Variants in KALRN observed in about 807,000 individuals in gnomAD.
The protein encoded by KALRN is kalirin.
KALRN carries 70 observed loss-of-function variants against 353.7 expected under a neutral mutation model. The observed-to-expected ratio is 0.20, with a 90% confidence interval of 0.16 to 0.24. The LOEUF (loss-of-function observed/expected upper bound fraction) is 0.24, where lower values mean the gene tolerates loss of function less well. KALRN is among the 10% of genes least tolerant of loss of function. The pLI is 1.00. For missense variants in KALRN, 2,791 were observed against 3,756.7 expected (o/e 0.74, Z 6.72); for synonymous variants, 1,391 against 1,434.8 (o/e 0.97, Z 0.69).
intron 5 of KALRN, among the ~76,000 whole-genome samples, chr3:124,295,165 A>G (rs184232917): frequency 6.6e-6 from 1 of 152,362 alleles, no homozygotes; most frequent in Non-Finnish European, 1.5e-5. Context: ...GTTTAGGTCT[A>G]GAGAAGATTT....
At chr3:124,642,806 G>GTTTTTTTTTTGTTGTTGTTTTTTT (rs1553707031) in intron 37 of KALRN, among the ~76,000 whole-genome samples, 4,085 of 96,254 alleles carry the variant, frequency 0.042, 303 homozygotes, top group East Asian at 0.13. Flanking sequence ...CCCAAGCCTC[G>GTTTTTTTTTTGTTGTTGTTTTTTT]TTTTTTTTTT....
chr3:124,393,095 A>G (rs1277634243), intron 11 of KALRN, among the ~76,000 whole-genome samples: 1 of 152,092 alleles, frequency 6.6e-6, no homozygotes, highest in East Asian at 1.9e-4. Flanking sequence ...CTTCCTGAAT[A>G]GCTGGGGTTA....
intron 47 of KALRN, among the ~76,000 whole-genome samples, chr3:124,669,952 C>T (rs2086182240): frequency 6.6e-6 from 1 of 150,818 alleles, no homozygotes; most frequent in Admixed American, 6.7e-5. Context: ...CTTTTTTCCC[C>T]CATATATTTT....
chr3:124,111,839 T>C (rs1226997972), intron 1 of KALRN, among the ~76,000 whole-genome samples: 7 of 152,190 alleles, frequency 4.6e-5, no homozygotes, highest in African/African-American at 1.7e-4. Flanking sequence ...ATGGCTTTAT[T>C]GGAAATTCAC....
intron 14 of KALRN, among the ~76,000 whole-genome samples, chr3:124,420,986 T>C (rs895787974): frequency 6.6e-6 from 1 of 152,192 alleles, no homozygotes; most frequent in African/African-American, 2.4e-5. Flanking sequence ...GGAAGTATAC[T>C]ACCTTTTGGT....
intron 1 of KALRN, among the ~76,000 whole-genome samples, chr3:124,076,959 A>G (rs1559910238): frequency 6.6e-6 from 1 of 152,232 alleles, no homozygotes. Context: ...CATTCACAAG[A>G]TGAGTTTGTC....
intron 38 of KALRN, 86 bp downstream of exon 38, chr3:124,651,024 T>C (rs991888495): frequency 4.0e-6 from 6 of 1,502,652 alleles, no homozygotes; most frequent in Non-Finnish European, 5.5e-6. Flanking sequence ...TCGAGAGGGG[T>C]TCCCCACGCT....
rs976315129 is a variant in KALRN at position 124,564,161 on chromosome 3, C to T, written c.5182+1072C>T. The stretch of plus-strand genomic sequence containing the variant: ...CGGAGCTTGCAGTGAGTCGAGATCG[C>T]GCCACCGCACTCCAGCCTGGGCGAC... On this transcript the variant is annotated intron_variant, in intron 34 of 59. Coordinates refer to ENST00000682506, the MANE Select transcript of KALRN (RefSeq NM_001388419.1). Among the ~76,000 whole-genome samples, 71 of 136,406 alleles carry T rather than the reference C, an allele frequency of 5.2e-4. No individual in the cohort carries two copies. In the East Asian group the frequency reaches 6.9e-3, roughly 13 times the overall value. 89.5% of individuals were successfully genotyped at this position (136,406 alleles called of 152,430 possible). A position where few individuals can be genotyped will look rare whatever the true frequency, so the allele number is the denominator to read the frequency against.
chr3:124,363,680 T>C (rs958248334), intron 10 of KALRN, among the ~76,000 whole-genome samples: 8 of 152,176 alleles, frequency 5.3e-5, no homozygotes, highest in African/African-American at 1.9e-4. Flanking sequence ...AGAGAGGGAA[T>C]GTGCTGACCA....
intron 1 of KALRN, among the ~76,000 whole-genome samples, chr3:124,126,809 G>A (rs1034007931): frequency 6.6e-6 from 1 of 152,200 alleles, no homozygotes; most frequent in African/African-American, 2.4e-5. Context: ...ATTGTCACAT[G>A]GCAAATGGCC....
chr3:124,162,262 A>G (rs2070087397), intron 1 of KALRN: 1 of 152,192 alleles, frequency 6.6e-6, no homozygotes, highest in South Asian at 2.1e-4. Context: ...TCTAGGTGGA[A>G]TAGATGCTTG....
intron 45 of KALRN, among the ~76,000 whole-genome samples, chr3:124,663,803 T>G (rs1013475815): frequency 2.6e-5 from 4 of 152,182 alleles, no homozygotes; most frequent in Admixed American, 6.5e-5. Flanking sequence ...GAGATATAGT[T>G]GACTCATACT....
intron 33 of KALRN, among the ~76,000 whole-genome samples, chr3:124,496,773 T>C (rs2108564775): frequency 6.6e-6 from 1 of 152,288 alleles, no homozygotes; most frequent in East Asian, 1.9e-4. Flanking sequence ...GAGGCTGAGT[T>C]GGAATAGTGT....
In KALRN at chr3:124,644,638, C is replaced by A. The variant is rs150382930; in HGVS notation, c.5665-6170C>A. 8.5e-3 allele frequency among the ~76,000 whole-genome samples: 1,299 copies of A among 152,260 alleles called. 12 individuals carry two copies. Among genetic ancestry groups the A allele is most frequent in the South Asian group, 0.014 (68 of 4,820 alleles). On this transcript the variant is annotated intron_variant, in intron 37 of 59. Coordinates refer to ENST00000682506, the MANE Select transcript of KALRN (RefSeq NM_001388419.1). Reference sequence around the variant, plus strand: ...GATGGTTTCCAGCTTCCTCCATGTCCCCGCAAAGGACATGAACTCATCCTT... The same window carrying A: ...GATGGTTTCCAGCTTCCTCCATGTCACCGCAAAGGACATGAACTCATCCTT...
chr3:124,384,433 A>C (rs1482925805), intron 10 of KALRN: 1 of 155,868 alleles, frequency 6.4e-6, no homozygotes, highest in Non-Finnish European at 1.4e-5. Flanking sequence ...TCTCCCACTT[A>C]GTGTTTTTCT....
intron 34 of KALRN, among the ~76,000 whole-genome samples, chr3:124,623,576 A>T (rs972176394): frequency 2.6e-5 from 4 of 152,196 alleles, no homozygotes; most frequent in African/African-American, 7.2e-5. Context: ...CTGGAGAAAG[A>T]TGTAAGCTGG....
chr3:124,387,312 G>A (rs898825760), intron 11 of KALRN, among the ~76,000 whole-genome samples: 1 of 152,228 alleles, frequency 6.6e-6, no homozygotes, highest in Non-Finnish European at 1.5e-5. Flanking sequence ...AATACTACTA[G>A]AAGGAGTGGT....
At position 124,519,696 on chromosome 3, in the gene KALRN, G is replaced by A; in HGVS notation, c.4935+23283G>A. On this transcript the variant is annotated intron_variant, in intron 33 of 59. Transcript: ENST00000682506. The stretch of plus-strand genomic sequence containing the variant: ...TCTCAATGCAAAGTGTCATTCTCTG[G>A]AATTGCACCTGGCTCAGGAAAGGAC... 9 of 985,388 alleles carry A rather than the reference G, an allele frequency of 9.1e-6. No homozygotes were observed. The South Asian group carries it at 4.2e-4, about 46-fold the overall frequency. 61.0% of individuals were successfully genotyped at this position (985,388 alleles called of 1,614,324 possible).
chr3:124,643,600 A>G (rs2082351104), intron 37 of KALRN, among the ~76,000 whole-genome samples: 3 of 151,482 alleles, frequency 2.0e-5, no homozygotes, highest in South Asian at 2.1e-4. Flanking sequence ...TTTCACTTCA[A>G]CCTCCTGAGT....
Sources: gnomAD v4.1 joint callset for allele counts (sites outside exome capture counted in the v4.1 genomes callset) on GRCh38, gnomAD v4.1.1 for gene constraint, MANE v1.5 for transcripts, NCBI Gene and HGNC (gene_info 2026-07-23, HGNC 2026-07-21) for gene names.